PLXNA4: variants seen among roughly 807,000 people sequenced by gnomAD.
PLXNA4 encodes plexin A4, also known as plexin-A4.
In PLXNA4, 44 loss-of-function variants were observed where a neutral mutation model predicts 191.8. The observed-to-expected ratio is 0.23, with a 90% CI of 0.18 to 0.29. The LOEUF (loss-of-function observed/expected upper bound fraction) is 0.29. Ranked by LOEUF, PLXNA4 falls within the 10% of genes least tolerant of loss-of-function variation. PLXNA4 has a pLI of 1.00. For synonymous variants in PLXNA4, 1,082 were observed against 1,009.5 expected, an observed-to-expected ratio of 1.07 and a Z score of -1.36; for missense variants, 1,800 against 2,488.8, an observed-to-expected ratio of 0.72 and a Z score of 5.89.
intron 4 of PLXNA4, among the ~76,000 whole-genome samples, chr7:132,262,739 G>A (rs1027917614): frequency 6.6e-6 from 1 of 152,174 alleles, no homozygotes; most frequent in African/African-American, 2.4e-5. Context: ...TTCGGGGGAA[G>A]GGGGAGCTCC....
chr7:132,413,471 G>A (rs569394048), intron 3 of PLXNA4, among the ~76,000 whole-genome samples: 7 of 152,284 alleles, frequency 4.6e-5, no homozygotes, highest in African/African-American at 1.4e-4. Context: ...TGTGACAGAT[G>A]TCACGATTAT....
intron 4 of PLXNA4, among the ~76,000 whole-genome samples, chr7:132,292,731 G>A (rs925486633): frequency 2.6e-5 from 4 of 152,196 alleles, no homozygotes; most frequent in African/African-American, 9.7e-5. Flanking sequence ...CTAATTCATA[G>A]GGATGGGAAA....
chr7:132,400,534 C>T (rs1266246734), intron 3 of PLXNA4, among the ~76,000 whole-genome samples: 19 of 152,150 alleles, frequency 1.2e-4, no homozygotes, highest in Admixed American at 7.9e-4. Flanking sequence ...ATAATGTACC[C>T]CAGCCTCAGA....
In PLXNA4 at chr7:132,128,139, C is replaced by A. The variant is rs2116478177; in HGVS notation, c.*2340G>T. 1 of 152,276 alleles carries A rather than the reference C, an allele frequency of 6.6e-6. No homozygotes were observed. The highest frequency in any genetic ancestry group is 6.5e-5 in the Admixed American group (1 of 15,294). 9.4% of individuals were successfully genotyped at this position (152,276 alleles called of 1,614,324 possible). ...CAAAAATATTGTAGTGACCGAGGTA[C>A]TTCCTCAGACCGTCTCCCACATGTA... On this transcript the variant is annotated 3_prime_UTR_variant, in exon 32 of 32. Coordinates refer to ENST00000321063, the MANE Select transcript of PLXNA4 (RefSeq NM_020911.2).
intron 2 of PLXNA4, among the ~76,000 whole-genome samples, chr7:132,499,847 G>A (rs1448601488): frequency 6.6e-6 from 1 of 152,132 alleles, no homozygotes; most frequent in Non-Finnish European, 1.5e-5. Flanking sequence ...TTATATTTTG[G>A]AACACTGACG....
chr7:132,299,785 T>C lies in PLXNA4; in HGVS notation c.1372-1563A>G, dbSNP rs930143118. ...CATAAACAAACCAGCTTGATCTTAC[T>C]CTCTGCCACAGTGATTAAGAGAAAA... On this transcript the variant is annotated intron_variant, in intron 3 of 31. Transcript: ENST00000321063. Among the ~76,000 whole-genome samples the C allele has an allele frequency of 6.6e-5, 10 of 152,102 alleles. No homozygotes were observed. The South Asian group carries it at 2.1e-3, about 32-fold the overall frequency.
intron 9 of PLXNA4, among the ~76,000 whole-genome samples, chr7:132,220,885 T>A (rs959429409): frequency 6.7e-6 from 1 of 148,946 alleles, no homozygotes; most frequent in Non-Finnish European, 1.5e-5. Context: ...TGCTCATGGC[T>A]CACTGCAGCC....
intron 23 of PLXNA4, among the ~76,000 whole-genome samples, chr7:132,164,612 C>T (rs1025411751): frequency 2.0e-5 from 3 of 152,136 alleles, no homozygotes; most frequent in Non-Finnish European, 2.9e-5. Flanking sequence ...CACCTCACCC[C>T]GCTCTCTCAG....
rs545675272 is a variant in PLXNA4 at position 132,573,040 on chromosome 7, C to G, written c.-87+3382G>C. Reference sequence around the variant, plus strand: ...GCAAATTTGAGGGCGAATGGGCTGGCGGATGTGCGCACAAAGCCAAGAGGT... The same window carrying G: ...GCAAATTTGAGGGCGAATGGGCTGGGGGATGTGCGCACAAAGCCAAGAGGT... On this transcript the variant is annotated intron_variant, in intron 1 of 31. Coordinates refer to ENST00000321063, the MANE Select transcript of PLXNA4 (RefSeq NM_020911.2). Among the ~76,000 whole-genome samples the G allele has an allele frequency of 2.1e-5, 3 of 144,764 alleles. No homozygotes were observed. In the East Asian group the frequency reaches 6.1e-4, roughly 29 times the overall value. 95.0% of individuals were successfully genotyped at this position (144,764 alleles called of 152,430 possible).
chr7:132,194,627 G>A (rs1797196375), intron 13 of PLXNA4, among the ~76,000 whole-genome samples: 1 of 152,170 alleles, frequency 6.6e-6, no homozygotes, highest in Non-Finnish European at 1.5e-5. Flanking sequence ...TTCTGCTCCC[G>A]ATGATTGGGT....
At chr7:132,247,831 T>C (rs957615488) in intron 4 of PLXNA4, among the ~76,000 whole-genome samples, 3 of 152,226 alleles carry the variant, frequency 2.0e-5, no homozygotes, top group African/African-American at 7.2e-5. Context: ...TCCACATGCC[T>C]GGAACCCTGT....
At position 132,646,907 on chromosome 7, in the gene PLXNA4, G is replaced by A. The variant is rs1000785435; in HGVS notation, c.-202-864C>T. 4.0e-5 allele frequency among the ~76,000 whole-genome samples: 6 copies of A among 149,910 alleles called. No homozygotes were observed. The East Asian group carries it at 7.9e-4, about 20-fold the overall frequency. ...CATATACACACACATGCATTCACACGTACACCAACATACACACACATGCAG... is the reference window on the plus strand; with the variant it reads ...CATATACACACACATGCATTCACACATACACCAACATACACACACATGCAG... On this transcript the variant is annotated intron_variant, in intron 1 of 4. Transcript: ENST00000378539.
intron 2 of PLXNA4, among the ~76,000 whole-genome samples, chr7:132,600,966 C>G (rs755586651): frequency 9.9e-5 from 15 of 151,762 alleles, no homozygotes; most frequent in Admixed American, 3.9e-4. Flanking sequence ...TTTATTATTT[C>G]ATGTATTCTT....
intron 3 of PLXNA4, among the ~76,000 whole-genome samples, chr7:132,401,827 T>C (rs1793998917): frequency 6.6e-6 from 1 of 152,080 alleles, no homozygotes; most frequent in Non-Finnish European, 1.5e-5. Flanking sequence ...CTGAACCAGC[T>C]CTAAGTCCCT....
intron 2 of PLXNA4, among the ~76,000 whole-genome samples, chr7:132,506,102 T>C (rs1477717760): frequency 6.6e-6 from 1 of 152,046 alleles, no homozygotes; most frequent in Non-Finnish European, 1.5e-5. Context: ...AGAGACGACA[T>C]CTCTTAGTTT....
At chr7:132,494,268 GA>G (rs1797915024) in intron 2 of PLXNA4, among the ~76,000 whole-genome samples, 1 of 152,222 alleles carries the variant, frequency 6.6e-6, no homozygotes, top group African/African-American at 2.4e-5. Flanking sequence ...AGGAGCAGGG[GA>G]ATGGTCTCAG....
chr7:132,449,792 A>G (rs1425257166), intron 3 of PLXNA4, among the ~76,000 whole-genome samples: 1 of 152,194 alleles, frequency 6.6e-6, no homozygotes, highest in Non-Finnish European at 1.5e-5. Context: ...TCCCCAACCT[A>G]GTGGCAGAAG....
chr7:132,587,573 G>A (rs1457286652), intron 2 of PLXNA4, among the ~76,000 whole-genome samples: 1 of 152,156 alleles, frequency 6.6e-6, no homozygotes, highest in African/African-American at 2.4e-5. Context: ...GCCCTATGGT[G>A]CCATAAGCTT....
intron 1 of PLXNA4, among the ~76,000 whole-genome samples, chr7:132,563,808 CCTCCTCCTTCT>C (rs1801529238): frequency 1.1e-5 from 1 of 90,476 alleles, no homozygotes; most frequent in Non-Finnish European, 2.4e-5. Context: ...TCCTCCTTCT[CCTCCTCCTTCT>C]CCTCCTCCTT....
Sources: gnomAD v4.1 joint callset for allele counts (sites outside exome capture counted in the v4.1 genomes callset) on GRCh38, gnomAD v4.1.1 for gene constraint, MANE v1.5 for transcripts, NCBI Gene and HGNC (gene_info 2026-07-23, HGNC 2026-07-21) for gene names.